ERBB4: variants seen among roughly 807,000 people sequenced by gnomAD.
ERBB4 encodes the protein erb-b2 receptor tyrosine kinase 4.
In ERBB4, 42 loss-of-function variants were observed where a neutral mutation model predicts 158.0. That is an observed-to-expected ratio of 0.27 (90% CI 0.21 to 0.34). The LOEUF (loss-of-function observed/expected upper bound fraction) is 0.34. ERBB4 is among the 10% of genes least tolerant of loss of function. The probability of loss-of-function intolerance (pLI) is 1.00; values close to 1 mark genes in which losing one functional copy is unlikely to be tolerated. For missense variants in ERBB4, 1,333 were observed against 1,624.1 expected (o/e 0.82, Z 3.08); for synonymous variants, 583 against 558.7 (o/e 1.04, Z -0.61).
At chr2:212,060,409 T>G (rs2077722495) in intron 2 of ERBB4, among the ~76,000 whole-genome samples, 1 of 151,534 alleles carries the variant, frequency 6.6e-6, no homozygotes, top group African/African-American at 2.4e-5. Flanking sequence ...TGGCAATTCC[T>G]CAAGGATCTA....
chr2:211,473,040 G>A (rs558111275), intron 20 of ERBB4, among the ~76,000 whole-genome samples: 2 of 151,674 alleles, frequency 1.3e-5, no homozygotes, highest in East Asian at 1.9e-4. Flanking sequence ...TACTATATAC[G>A]GGGAATCAAA....
intron 1 of ERBB4, among the ~76,000 whole-genome samples, chr2:212,377,420 C>A (rs533103889): frequency 1.3e-5 from 2 of 151,834 alleles, no homozygotes; most frequent in African/African-American, 4.8e-5. Context: ...GCCTTCTACA[C>A]ACCTAGGCTG....
At chr2:211,603,967 T>C (rs1049572000) in intron 19 of ERBB4, among the ~76,000 whole-genome samples, 2 of 152,252 alleles carry the variant, frequency 1.3e-5, no homozygotes, top group African/African-American at 4.8e-5. Flanking sequence ...TTTAATTTAC[T>C]TTCTTTTGAT....
At chr2:211,630,931 A>G (rs1042809445) in intron 16 of ERBB4, among the ~76,000 whole-genome samples, 2 of 152,092 alleles carry the variant, frequency 1.3e-5, no homozygotes, top group African/African-American at 4.8e-5. Context: ...CGCATTTAAT[A>G]TTTTTCTATT....
intron 1 of ERBB4, among the ~76,000 whole-genome samples, chr2:212,253,326 C>CTGAA (rs1283404846): frequency 1.3e-5 from 2 of 151,978 alleles, no homozygotes; most frequent in Non-Finnish European, 2.9e-5. Context: ...TTTAATAATG[C>CTGAA]TGAAGTAAAT....
chr2:212,453,916 T>A (rs1428252008), intron 1 of ERBB4, among the ~76,000 whole-genome samples: 1 of 151,290 alleles, frequency 6.6e-6, no homozygotes, highest in East Asian at 1.9e-4. Flanking sequence ...CTTCCATATA[T>A]AAACAGAAAC....
chr2:212,518,716 G>A (rs1296783449), intron 1 of ERBB4, among the ~76,000 whole-genome samples: 2 of 151,994 alleles, frequency 1.3e-5, no homozygotes, highest in African/African-American at 2.4e-5. Flanking sequence ...GTTGTTAAAT[G>A]CACTTGTTTA....
chr2:211,584,828 A>G (rs2068215034), intron 19 of ERBB4, among the ~76,000 whole-genome samples: 1 of 151,894 alleles, frequency 6.6e-6, no homozygotes, highest in African/African-American at 2.4e-5. Context: ...ATACCATGAA[A>G]TCCAGTTATT....
chr2:212,227,633 C>A (rs1490814763), intron 1 of ERBB4, among the ~76,000 whole-genome samples: 1 of 152,096 alleles, frequency 6.6e-6, no homozygotes, highest in African/African-American at 2.4e-5. Flanking sequence ...CCAGACACTG[C>A]AGAGCACCAT....
intron 8 of ERBB4, 135 bp from the exon 9 acceptor site, chr2:211,712,311 A>G (rs1165575564): frequency 5.8e-6 from 5 of 861,242 alleles, no homozygotes; most frequent in South Asian, 1.7e-5. Context: ...TGTTTTCTAA[A>G]AAGTAAAATA....
At chr2:212,471,089 G>A (rs1380713357) in intron 1 of ERBB4, among the ~76,000 whole-genome samples, 2 of 151,834 alleles carry the variant, frequency 1.3e-5, no homozygotes, top group South Asian at 2.1e-4. Context: ...AGAGAATGAG[G>A]GCAACTACTT....
At chr2:212,421,097 C>T (rs2091781515) in intron 1 of ERBB4, among the ~76,000 whole-genome samples, 1 of 151,910 alleles carries the variant, frequency 6.6e-6, no homozygotes, top group African/African-American at 2.4e-5. Context: ...TTTTTTAAAG[C>T]CTAAACATAA....
At chr2:211,508,915 G>A (rs774579880) in intron 20 of ERBB4, among the ~76,000 whole-genome samples, 1 of 151,270 alleles carries the variant, frequency 6.6e-6, no homozygotes, top group African/African-American at 2.4e-5. Context: ...GGGTGACAGA[G>A]CGAGACTGTC....
intron 1 of ERBB4, among the ~76,000 whole-genome samples, chr2:212,203,476 G>A (rs544434256): frequency 1.3e-5 from 2 of 152,272 alleles, no homozygotes; most frequent in African/African-American, 2.4e-5. Context: ...AAACTTTCAG[G>A]CCATTATCCA....
At chr2:212,517,074 A>G (rs1691889425) in intron 1 of ERBB4, among the ~76,000 whole-genome samples, 1 of 152,152 alleles carries the variant, frequency 6.6e-6, no homozygotes, top group African/African-American at 2.4e-5. Flanking sequence ...AGAATAAAAT[A>G]AGAGTTTGTG....
intron 2 of ERBB4, among the ~76,000 whole-genome samples, chr2:212,093,392 A>G (rs1407850405): frequency 6.6e-6 from 1 of 152,226 alleles, no homozygotes; most frequent in Non-Finnish European, 1.5e-5. Context: ...ATAAACAACA[A>G]CAACAATAAC....
At position 212,134,978 on chromosome 2, in the gene ERBB4, G is replaced by A. The variant is rs186651298; in HGVS notation, c.83-10075C>T. Among the ~76,000 whole-genome samples, 417 of 152,124 alleles carry A rather than the reference G, an allele frequency of 2.7e-3. 3 individuals are homozygous for A. Among genetic ancestry groups the A allele is most frequent in the Admixed American group, 5.6e-3 (86 of 15,264 alleles). On this transcript the variant is annotated intron_variant, in intron 1 of 27. Transcript: ENST00000342788. ...TGGGATTATAGGCGTGAGCCACCGC[G>A]CCTGGCCTACTAAACACTTTCTAAA...
chr2:211,387,281 C>A, intron 26 of ERBB4, 131 bp from the exon 27 acceptor site: 1 of 790,488 alleles, frequency 1.3e-6, no homozygotes, highest in East Asian at 2.5e-5. Flanking sequence ...GTTTTTTTTC[C>A]CCTAGTGGCT....
chr2:212,437,553 G>A (rs1332857439), intron 1 of ERBB4, among the ~76,000 whole-genome samples: 1 of 150,380 alleles, frequency 6.6e-6, no homozygotes, highest in Non-Finnish European at 1.5e-5. Flanking sequence ...TCATTTATCT[G>A]GCCCTGTCTG....
Sources: gnomAD v4.1 joint callset for allele counts (sites outside exome capture counted in the v4.1 genomes callset) on GRCh38, gnomAD v4.1.1 for gene constraint, MANE v1.5 for transcripts, NCBI Gene and HGNC (gene_info 2026-07-23, HGNC 2026-07-21) for gene names.